The following MNAT1 variants were observed in gnomAD, a reference collection of about 807,000 sequenced individuals.
MNAT1 encodes CDK-activating kinase assembly factor MAT1.
A neutral mutation model predicts 42.0 loss-of-function variants in MNAT1; 43 were observed. The ratio of observed to expected loss-of-function variants is 1.02; its 90% CI spans 0.80 to 1.32. The LOEUF (loss-of-function observed/expected upper bound fraction) is 1.32. Among genes scored for constraint, MNAT1 ranks in the 40% most tolerant of loss-of-function variants. The pLI, the probability that MNAT1 is intolerant of heterozygous loss-of-function variation, is 0.00. For missense variants in MNAT1, 306 were observed against 350.4 expected, an observed-to-expected ratio of 0.87 and a Z score of 1.01; for synonymous variants, 118 against 120.0, an observed-to-expected ratio of 0.98 and a Z score of 0.11.
At chr14:60,867,647 G>T (rs937077157) in intron 6 of MNAT1, among the ~76,000 whole-genome samples, 2 of 151,998 alleles carry the variant, frequency 1.3e-5, no homozygotes, top group African/African-American at 4.8e-5. Context: ...GATACATTGT[G>T]AGTCAGTGGC....
At chr14:60,941,936 G>A (rs904495685) in intron 7 of MNAT1, among the ~76,000 whole-genome samples, 2 of 132,740 alleles carry the variant, frequency 1.5e-5, no homozygotes, top group Admixed American at 1.8e-4. Flanking sequence ...ACCTGGAGGC[G>A]GAACTTGCAG....
At chr14:60,862,821 T>C (rs1173025150) in intron 6 of MNAT1, among the ~76,000 whole-genome samples, 3 of 152,210 alleles carry the variant, frequency 2.0e-5, no homozygotes, top group Non-Finnish European at 4.4e-5. Flanking sequence ...CTTCAGGATA[T>C]TTTATAATTG....
At chr14:60,875,127 A>G (rs2139456251) in intron 6 of MNAT1, among the ~76,000 whole-genome samples, 1 of 152,294 alleles carries the variant, frequency 6.6e-6, no homozygotes, top group South Asian at 2.1e-4. Flanking sequence ...TATAGTTTTA[A>G]AAAATACTCC....
At chr14:60,804,736 G>C (rs1038176241) in intron 3 of MNAT1, among the ~76,000 whole-genome samples, 6 of 151,890 alleles carry the variant, frequency 4.0e-5, no homozygotes, top group African/African-American at 1.5e-4. Context: ...GGTAGAGATG[G>C]GGCCTCATGT....
chr14:60,778,323 TG>T (rs1402144814), intron 1 of MNAT1, among the ~76,000 whole-genome samples: 4 of 152,204 alleles, frequency 2.6e-5, no homozygotes. Context: ...GTCCTTTCTC[TG>T]GTTCCTAGTT....
chr14:60,895,308 CA>C (rs1397126324), intron 7 of MNAT1, among the ~76,000 whole-genome samples: 2 of 152,066 alleles, frequency 1.3e-5, no homozygotes, highest in Non-Finnish European at 2.9e-5. Flanking sequence ...TTTTTAGAAA[CA>C]TTTAGAAAGG....
chr14:60,922,307 A>T (rs181297649), intron 7 of MNAT1, among the ~76,000 whole-genome samples: 1 of 152,254 alleles, frequency 6.6e-6, no homozygotes, highest in East Asian at 1.9e-4. Context: ...TAAAGGAGAA[A>T]TGGTTTCCTG....
intron 6 of MNAT1, among the ~76,000 whole-genome samples, chr14:60,823,981 A>T (rs2032980654): frequency 6.6e-6 from 1 of 151,570 alleles, no homozygotes; most frequent in South Asian, 2.1e-4. Context: ...AGATGGTGAA[A>T]CCCTATCTGT....
At chr14:60,841,465 A>ACACATACAACACATAAAGTTGTG (rs1566789770) in intron 6 of MNAT1, among the ~76,000 whole-genome samples, 1 of 151,994 alleles carries the variant, frequency 6.6e-6, no homozygotes, top group Admixed American at 6.5e-5. Flanking sequence ...TGTGTTTTTA[A>ACACATACAACACATAAAGTTGTG]TCTTTAGATG....
intron 6 of MNAT1, among the ~76,000 whole-genome samples, chr14:60,877,242 T>TA (rs1435825896): frequency 2.0e-5 from 3 of 152,090 alleles, no homozygotes; most frequent in African/African-American, 7.2e-5. Context: ...ATGTATATCT[T>TA]ATGTGGTGAA....
At chr14:60,748,072 T>A (rs188332834) in intron 1 of MNAT1, among the ~76,000 whole-genome samples, 1 of 152,180 alleles carries the variant, frequency 6.6e-6, no homozygotes, top group Admixed American at 6.5e-5. Flanking sequence ...GGCACCCACC[T>A]GTAGTCCCAA....
intron 7 of MNAT1, among the ~76,000 whole-genome samples, chr14:60,882,623 A>G (rs1323669291): frequency 6.6e-6 from 1 of 152,144 alleles, no homozygotes; most frequent in Non-Finnish European, 1.5e-5. Context: ...TGGATCATAT[A>G]GTAGCTCTAT....
rs1226386968 is a variant in MNAT1, at chr14:60,747,046, T to C, written c.89+12095T>C. On this transcript the variant is annotated intron_variant, in intron 1 of 7. Coordinates refer to ENST00000261245, the MANE Select transcript of MNAT1 (RefSeq NM_002431.4). ...TGTCGCCCAGTCTGGAGTACAGTGG[T>C]GCGATCTCGGCTCACTGCAAGCTCT... 7.6e-4 allele frequency among the ~76,000 whole-genome samples: 110 copies of C among 144,998 alleles called. 3 individuals carry two copies. Among genetic ancestry groups the C allele is most frequent in the Admixed American group, 7.4e-3 (107 of 14,372 alleles).
chr14:60,914,110 A>G (rs1174898015), intron 7 of MNAT1, among the ~76,000 whole-genome samples: 2 of 152,204 alleles, frequency 1.3e-5, no homozygotes, highest in Non-Finnish European at 2.9e-5. Flanking sequence ...CTGTGGGCGT[A>G]GGACCCTCCG....
intron 1 of MNAT1, among the ~76,000 whole-genome samples, chr14:60,776,460 A>G (rs2031253603): frequency 6.6e-6 from 1 of 152,170 alleles, no homozygotes; most frequent in Non-Finnish European, 1.5e-5. Context: ...TTAAATGTCT[A>G]GGATAATGCC....
Position 60,818,698 on chromosome 14 carries a change from A to G in MNAT1, c.562-24A>G, listed in dbSNP as rs192054529. ...TTAGTTTTCCCTTTTTACATTTCTTATTGAACTTGAACTATTCTTACAGGA... is the reference window on the plus strand; with the variant it reads ...TTAGTTTTCCCTTTTTACATTTCTTGTTGAACTTGAACTATTCTTACAGGA... On this transcript the variant is annotated intron_variant, in intron 5 of 7. Coordinates refer to ENST00000261245, the MANE Select transcript of MNAT1 (RefSeq NM_002431.4). The G allele has an allele frequency of 2.4e-3, 3,678 of 1,513,950 alleles. 8 individuals carry two copies. Among genetic ancestry groups the G allele is most frequent in the Non-Finnish European group, 3.0e-3 (3,370 of 1,127,646 alleles). 93.8% of individuals were successfully genotyped at this position (1,513,950 alleles called of 1,614,324 possible). A position where few individuals can be genotyped will look rare whatever the true frequency, so the allele number is the denominator to read the frequency against.
At chr14:60,840,075 G>C (rs1225701419) in intron 6 of MNAT1, among the ~76,000 whole-genome samples, 1 of 152,252 alleles carries the variant, frequency 6.6e-6, no homozygotes, top group Non-Finnish European at 1.5e-5. Context: ...AAGAAACTTA[G>C]ATTATTGATT....
chr14:60,959,624 GT>G (rs2036551760), intron 7 of MNAT1, among the ~76,000 whole-genome samples: 1 of 152,208 alleles, frequency 6.6e-6, no homozygotes, highest in African/African-American at 2.4e-5. Flanking sequence ...CTTTTGTGTG[GT>G]TATGGAATTT....
intron 7 of MNAT1, among the ~76,000 whole-genome samples, chr14:60,930,264 T>G (rs2035859657): frequency 6.8e-6 from 1 of 147,414 alleles, no homozygotes; most frequent in Admixed American, 6.8e-5. Flanking sequence ...TATTTCCTTC[T>G]CTAGATAAGC....
Sources: allele counts gnomAD v4.1 joint callset (sites outside exome capture counted in the v4.1 genomes callset), GRCh38; gene constraint gnomAD v4.1.1; transcripts MANE v1.5; gene names NCBI Gene and HGNC (gene_info 2026-07-23, HGNC 2026-07-21).